LDLRAD3: variants seen among roughly 807,000 people sequenced by gnomAD.
LDLRAD3 encodes the protein low-density lipoprotein receptor class A domain-containing protein 3.
A neutral mutation model predicts 29.4 loss-of-function variants in LDLRAD3; 20 were observed. The observed-to-expected ratio is 0.68, with a 90% CI of 0.48 to 0.99. The LOEUF (loss-of-function observed/expected upper bound fraction) is 0.99, where lower values mean the gene tolerates loss of function less well. Among genes scored for constraint, LDLRAD3 ranks in the 50% least tolerant of loss-of-function variants. The pLI, the probability that LDLRAD3 is intolerant of heterozygous loss-of-function variation, is 0.00. For missense variants in LDLRAD3, 420 were observed against 454.3 expected (o/e 0.92, Z 0.69); for synonymous variants, 157 against 192.7 (o/e 0.81, Z 1.53).
At chr11:36,143,032 A>T (rs570660452) in intron 4 of LDLRAD3, among the ~76,000 whole-genome samples, 1 of 152,216 alleles carries the variant, frequency 6.6e-6, no homozygotes, top group Non-Finnish European at 1.5e-5. Context: ...TTAAACACGT[A>T]CTATGTGGTA....
At chr11:36,098,124 C>T (rs1057071827) in intron 3 of LDLRAD3, among the ~76,000 whole-genome samples, 21 of 152,220 alleles carry the variant, frequency 1.4e-4, no homozygotes, top group Non-Finnish European at 2.6e-4. Flanking sequence ...CCAAAGACCC[C>T]CAGGAGGTTT....
At chr11:36,038,046 G>A (rs890992129) in intron 2 of LDLRAD3, among the ~76,000 whole-genome samples, 1 of 152,010 alleles carries the variant, frequency 6.6e-6, no homozygotes, top group Non-Finnish European at 1.5e-5. Flanking sequence ...ACAGGAGTGC[G>A]CCGTCACGCC....
At chr11:36,066,844 A>G (rs927576998) in intron 2 of LDLRAD3, among the ~76,000 whole-genome samples, 2 of 152,136 alleles carry the variant, frequency 1.3e-5, no homozygotes, top group African/African-American at 2.4e-5. Context: ...TATCTTTGTG[A>G]GTTCATATAA....
intron 1 of LDLRAD3, among the ~76,000 whole-genome samples, chr11:36,007,618 C>A (rs1590202310): frequency 6.6e-6 from 1 of 152,314 alleles, no homozygotes; most frequent in East Asian, 1.9e-4. Context: ...TCAGCCAGCA[C>A]TCTGGAAAAG....
chr11:36,149,430 G>T (rs562224211), intron 4 of LDLRAD3, among the ~76,000 whole-genome samples: 1 of 152,170 alleles, frequency 6.6e-6, no homozygotes, highest in South Asian at 2.1e-4. Context: ...GTATGCAGTC[G>T]CTAGAAAGGA....
intron 4 of LDLRAD3, among the ~76,000 whole-genome samples, chr11:36,124,496 G>A (rs576042119): frequency 6.6e-6 from 1 of 152,212 alleles, no homozygotes; most frequent in South Asian, 2.1e-4. Context: ...GGGGTAGCCT[G>A]GTGATTCCCT....
chr11:36,135,700 A>C (rs1853993912), intron 4 of LDLRAD3, among the ~76,000 whole-genome samples: 1 of 152,178 alleles, frequency 6.6e-6, no homozygotes. Context: ...ACTTGAGGCC[A>C]GGAGTTCAAC....
At chr11:36,194,694 C>G (rs1371264108) in intron 4 of LDLRAD3, among the ~76,000 whole-genome samples, 1 of 152,142 alleles carries the variant, frequency 6.6e-6, no homozygotes, top group East Asian at 1.9e-4. Context: ...CCAGTAAGGA[C>G]ACAATGAAGA....
intron 4 of LDLRAD3, among the ~76,000 whole-genome samples, chr11:36,172,826 G>C (rs766666483): frequency 7.2e-5 from 11 of 152,078 alleles, no homozygotes; most frequent in Non-Finnish European, 1.3e-4. Flanking sequence ...TGGTGTTAGG[G>C]TGATACTGGC....
chr11:36,122,117 T>A (rs929723426), intron 4 of LDLRAD3, among the ~76,000 whole-genome samples: 1 of 152,190 alleles, frequency 6.6e-6, no homozygotes, highest in Admixed American at 6.5e-5. Flanking sequence ...AGCTCTTAAC[T>A]ATGCCTTCCA....
chr11:36,221,551 C>T (rs942838318), intron 4 of LDLRAD3, among the ~76,000 whole-genome samples: 14 of 152,086 alleles, frequency 9.2e-5, no homozygotes, highest in Admixed American at 5.9e-4. Flanking sequence ...GCTGCAATCC[C>T]AGCTACTCAG....
chr11:36,160,385 T>C (rs1333223693), intron 4 of LDLRAD3, among the ~76,000 whole-genome samples: 2 of 152,188 alleles, frequency 1.3e-5, no homozygotes, highest in African/African-American at 4.8e-5. Context: ...GAATGGCAGC[T>C]TAGCGACCCC....
intron 2 of LDLRAD3, among the ~76,000 whole-genome samples, chr11:36,062,447 C>T (rs1268279947): frequency 2.6e-5 from 4 of 152,106 alleles, no homozygotes; most frequent in East Asian, 1.9e-4. Context: ...ACTGACACGA[C>T]GATTATTGCC....
At chr11:35,968,597 T>A in intron 1 of LDLRAD3, 1 of 187,068 alleles carries the variant, frequency 5.3e-6, no homozygotes, top group South Asian at 1.3e-4. Context: ...GATCTGGCTC[T>A]GGGCCTCCCT....
chr11:35,986,213 A>C (rs1001910973), intron 1 of LDLRAD3, among the ~76,000 whole-genome samples: 1 of 152,178 alleles, frequency 6.6e-6, no homozygotes, highest in Non-Finnish European at 1.5e-5. Flanking sequence ...GATTATCTCT[A>C]GGAAGAGGCT....
chr11:35,958,236 A>T (rs1168322784), intron 1 of LDLRAD3, among the ~76,000 whole-genome samples: 1 of 152,210 alleles, frequency 6.6e-6, no homozygotes, highest in Admixed American at 6.5e-5. Flanking sequence ...CCTATTTCAG[A>T]TGCTCAATAG....
intron 4 of LDLRAD3, among the ~76,000 whole-genome samples, chr11:36,176,872 A>T (rs1294406478): frequency 1.3e-5 from 2 of 152,188 alleles, no homozygotes; most frequent in Non-Finnish European, 2.9e-5. Context: ...TAGCAAGGCC[A>T]GGGAAGTTTT....
chr11:35,968,846 T>C (rs1193054933), intron 1 of LDLRAD3, among the ~76,000 whole-genome samples: 1 of 152,218 alleles, frequency 6.6e-6, no homozygotes, highest in Non-Finnish European at 1.5e-5. Flanking sequence ...GTTTCACAAC[T>C]CTAGCCTGCC....
chr11:36,061,111 T>C (rs754175576), intron 2 of LDLRAD3, among the ~76,000 whole-genome samples: 1 of 152,138 alleles, frequency 6.6e-6, no homozygotes, highest in Non-Finnish European at 1.5e-5. Context: ...GTCTTCTTCC[T>C]CTTCCTCATT....
Sources: allele counts gnomAD v4.1 joint callset (sites outside exome capture counted in the v4.1 genomes callset), GRCh38; gene constraint gnomAD v4.1.1; transcripts MANE v1.5; gene names NCBI Gene and HGNC (gene_info 2026-07-23, HGNC 2026-07-21).